Variants in MYO9B observed in about 807,000 individuals in gnomAD.
MYO9B encodes myosin IXB.
Under a neutral mutation model 229.5 loss-of-function variants are expected in MYO9B, and 71 were observed. That is an observed-to-expected ratio of 0.31 (90% CI 0.26 to 0.38). MYO9B has a LOEUF of 0.38. Among genes scored for constraint, MYO9B ranks in the 10% least tolerant of loss-of-function variants. MYO9B has a pLI of 1.00. For synonymous variants in MYO9B, 1,185 were observed against 1,235.8 expected (o/e 0.96, Z 0.86); for missense variants, 2,255 against 2,920.5 (o/e 0.77, Z 5.25).
chr19:17,179,027 T>TAA lies in MYO9B; in HGVS notation c.2220-1880_2220-1879dup, dbSNP rs779765764. Among the ~76,000 whole-genome samples, 118 of 96,894 alleles carry TAA rather than the reference T, an allele frequency of 1.2e-3. 1 individual carries two copies. The highest frequency in any genetic ancestry group is 2.7e-3 in the African/African-American group (74 of 27,604). The allele number at this position is 96,894 out of a possible 152,430, so 63.6% of individuals were successfully genotyped here. On this transcript the variant is annotated intron_variant, in intron 14 of 39. Coordinates refer to ENST00000682292, the MANE Select transcript of MYO9B (RefSeq NM_004145.4). ...GCCTGGGCAACAGAGCAAGACTCTG[T>TAA]AAAAAAAAAAAAAAAAAAAAACTAG...
Position 17,212,513 on chromosome 19 carries a change from C to G in MYO9B, c.*203C>G. The G allele has an allele frequency of 1.8e-6, 1 of 546,546 alleles. No individual in the cohort carries two copies. Among genetic ancestry groups the G allele is most frequent in the Non-Finnish European group, 3.1e-6 (1 of 323,550 alleles). The allele number at this position is 546,546 out of a possible 1,614,324, so 33.9% of individuals were successfully genotyped here. A position where few individuals can be genotyped will look rare whatever the true frequency, so the allele number is the denominator to read the frequency against. On this transcript the variant is annotated 3_prime_UTR_variant, in exon 40 of 40. Transcript: ENST00000682292. The surrounding 1 kb of genome is among the most constrained non-coding windows in gnomAD (Gnocchi z 5.4). Reference sequence around the variant, plus strand: ...AGCCAGGCCCCCTCGCACGCAGCCCCCAAATCATGGACGCACCTGTGGGGA... The same window carrying G: ...AGCCAGGCCCCCTCGCACGCAGCCCGCAAATCATGGACGCACCTGTGGGGA...
In MYO9B at chr19:17,206,045, A is replaced by G; in HGVS notation, c.5150A>G (p.Glu1717Gly). The change falls in exon 32 of 40, where the codon GAG becomes GGG. Residue 1717 changes from glutamate (E) to glycine (G), a missense_variant. Transcript: ENST00000682292. ...SDKASVPIVL[E>G]KLLEHVEMHG... is the part of the protein sequence containing the mutation. Reference sequence around the variant, plus strand: ...AAGGCCTCGGTGCCCATCGTGCTGGAGAAGCTCCTGGAACACGTGGAGATG... The same window carrying G: ...AAGGCCTCGGTGCCCATCGTGCTGGGGAAGCTCCTGGAACACGTGGAGATG... The G allele has an allele frequency of 4.3e-6, 7 of 1,610,560 alleles. No individual in the cohort carries two copies. The highest frequency in any genetic ancestry group is 5.9e-6 in the Non-Finnish European group (7 of 1,177,878).
intron 3 of MYO9B, among the ~76,000 whole-genome samples, chr19:17,147,023 A>C (rs779748125): frequency 3.9e-5 from 6 of 152,198 alleles, no homozygotes; most frequent in Non-Finnish European, 8.8e-5. Context: ...TCCAGTAGGC[A>C]GTGGTGTGGG....
intron 2 of MYO9B, among the ~76,000 whole-genome samples, chr19:17,109,922 A>G (rs78631558): frequency 0.045 from 6,814 of 152,160 alleles, 221 homozygotes; most frequent in South Asian, 0.067. Context: ...CTTTTTTGGG[A>G]AGCCACAAGT....
chr19:17,152,190 A>G (rs561657261), intron 3 of MYO9B, among the ~76,000 whole-genome samples: 158 of 151,464 alleles, frequency 1.0e-3, no homozygotes, highest in Non-Finnish European at 2.0e-3. Flanking sequence ...CCATCACAAA[A>G]AAAAAAAAAA....
chr19:17,162,508 G>T (rs547939653), intron 9 of MYO9B, 42 bp downstream of exon 9: 1 of 1,497,652 alleles, frequency 6.7e-7, no homozygotes, highest in South Asian at 1.2e-5. Context: ...GCCAGGGGAG[G>T]CCACATCCTC....
intron 24 of MYO9B, among the ~76,000 whole-genome samples, chr19:17,199,330 C>T (rs368959851): frequency 5.1e-4 from 77 of 152,068 alleles, no homozygotes; most frequent in African/African-American, 1.6e-3. Context: ...GAGGCTGTAG[C>T]GAGCTATGAT....
At chr19:17,161,424 A>G (rs1186285861) in intron 8 of MYO9B, among the ~76,000 whole-genome samples, 2 of 152,104 alleles carry the variant, frequency 1.3e-5, no homozygotes, top group African/African-American at 2.4e-5. Context: ...CACGCATGTA[A>G]TCCCAACACT....
At chr19:17,208,353 A>AGCAACT (rs766934280) in intron 35 of MYO9B, among the ~76,000 whole-genome samples, 2 of 124,614 alleles carry the variant, frequency 1.6e-5, no homozygotes, top group Non-Finnish European at 3.2e-5. Context: ...AAAAAAAAAA[A>AGCAACT]ATCCAGATGG....
intron 24 of MYO9B, 129 bp downstream of exon 24, chr19:17,198,437 G>C: frequency 7.6e-7 from 1 of 1,318,190 alleles, no homozygotes; most frequent in Non-Finnish European, 1.0e-6. Context: ...CATTTGCTCA[G>C]TAGAAACTGA....
At chr19:17,164,450 G>A (rs1016744576) in intron 10 of MYO9B, among the ~76,000 whole-genome samples, 2 of 151,232 alleles carry the variant, frequency 1.3e-5, no homozygotes, top group African/African-American at 2.4e-5. Flanking sequence ...GCACGATCTC[G>A]GCTCACTGCA....
rs111251483 is a variant in MYO9B, at chr19:17,210,466, G to A, written c.5796+86G>A. ...CCCTGGGGCCCTGGGCCCCTCGTAG[G>A]ATAGACAGAGCCTGTCCTAACCTTC... On this transcript the variant is annotated intron_variant, in intron 37 of 39. Transcript: ENST00000682292. 3.5e-4 allele frequency: 510 copies of A among 1,438,264 alleles called. 2 individuals carry two copies. The African/African-American group carries it at 7.0e-3, about 20-fold the overall frequency. 89.1% of individuals were successfully genotyped at this position (1,438,264 alleles called of 1,614,324 possible).
At chr19:17,154,281 G>T in intron 5 of MYO9B, 34 bp from the exon 6 acceptor site, 1 of 1,592,534 alleles carries the variant, frequency 6.3e-7, no homozygotes, top group African/African-American at 1.3e-5. Flanking sequence ...GCCGGCCCAG[G>T]AATGCCCAGA....
Position 17,206,755 on chromosome 19 carries a change from C to T in MYO9B, c.5463C>T (p.Ser1821=). The T allele has an allele frequency of 1.3e-6, 2 of 1,590,166 alleles. No homozygotes were observed. Among genetic ancestry groups the T allele is most frequent in the Non-Finnish European group, 1.7e-6 (2 of 1,169,032 alleles). Residue 1821 remains serine, a synonymous_variant, in exon 34 of 40, where the codon TCC becomes TCT. Transcript: ENST00000682292. The part of the protein sequence containing the change: ...LEHLPEANHN[S]LERLIFHLVK... The stretch of plus-strand genomic sequence containing the variant: ...ACCTTCCAGAAGCCAACCACAACTC[C>T]CTGGAGAGACTCATCTTCCACCTTG...
intron 2 of MYO9B, among the ~76,000 whole-genome samples, chr19:17,144,670 T>A (rs2072384716): frequency 6.6e-6 from 1 of 150,532 alleles, no homozygotes; most frequent in African/African-American, 2.4e-5. Flanking sequence ...GCAGGAACAG[T>A]TAAAGAAAAA....
chr19:17,096,182 A>C (rs2057686602), intron 1 of MYO9B, among the ~76,000 whole-genome samples: 1 of 152,110 alleles, frequency 6.6e-6, no homozygotes, highest in South Asian at 2.1e-4. Context: ...GTTGAACCAT[A>C]TTCCATGGTG....
chr19:17,192,302 G>A (rs1005484968), intron 20 of MYO9B, among the ~76,000 whole-genome samples: 1 of 147,610 alleles, frequency 6.8e-6, no homozygotes, highest in Non-Finnish European at 1.5e-5. Flanking sequence ...AAAAAAAAAG[G>A]GGGGGCCACA....
chr19:17,185,647 T>TCCCCAG (rs367961881), intron 17 of MYO9B, among the ~76,000 whole-genome samples: 2 of 152,042 alleles, frequency 1.3e-5, no homozygotes, highest in African/African-American at 4.8e-5. Context: ...TGTCTGGTCC[T>TCCCCAG]CCCCAGCCCC....
intron 2 of MYO9B, among the ~76,000 whole-genome samples, chr19:17,117,675 C>A (rs1029709217): frequency 1.3e-5 from 2 of 152,140 alleles, no homozygotes; most frequent in Non-Finnish European, 2.9e-5. Context: ...CGGTGGCTCA[C>A]GCCTGTAAGC....
Sources: allele counts gnomAD v4.1 joint callset (sites outside exome capture counted in the v4.1 genomes callset), GRCh38; gene constraint gnomAD v4.1.1; non-coding constraint Gnocchi (gnomAD v3.1); transcripts MANE v1.5; gene names NCBI Gene and HGNC (gene_info 2026-07-23, HGNC 2026-07-21).